ARAP2: variants seen among roughly 807,000 people sequenced by gnomAD.
The protein encoded by ARAP2 is arf-GAP with Rho-GAP domain, ANK repeat and PH domain-containing protein 2.
A neutral mutation model predicts 194.5 loss-of-function variants in ARAP2; 148 were observed. The ratio of observed to expected loss-of-function variants is 0.76; its 90% confidence interval spans 0.67 to 0.87. The LOEUF is 0.87. Ranked by LOEUF, ARAP2 falls within the 40% of genes least tolerant of loss-of-function variation. ARAP2 has a pLI of 0.00. For missense variants in ARAP2, 2,128 were observed against 1,989.7 expected (o/e 1.07, Z -1.32); for synonymous variants, 695 against 683.5 (o/e 1.02, Z -0.26).
In ARAP2 at chr4:36,229,074, T is replaced by G; in HGVS notation, c.413A>C (p.Gln138Pro). The G allele has an allele frequency of 6.2e-7, 1 of 1,614,106 alleles. No individual in the cohort carries two copies. Among genetic ancestry groups the G allele is most frequent in the Non-Finnish European group, 8.5e-7 (1 of 1,179,996 alleles). ...CAGCTTATCATCTGATTGAGGATACTGGCTTCTTTCCACACTTGCATCACT... is the reference window on the plus strand; with the variant it reads ...CAGCTTATCATCTGATTGAGGATACGGGCTTCTTTCCACACTTGCATCACT... ...EDSDASVERS[Q>P]YPQSDDKLSP... Residue 138 changes from glutamine (Q) to proline (P), a missense_variant, in exon 2 of 33, where the codon CAG becomes CCG. By Grantham distance (76) the Gln-to-Pro change is moderately conservative (BLOSUM62 -1). Coordinates refer to ENST00000303965, the MANE Select transcript of ARAP2 (RefSeq NM_015230.4).
Position 36,158,629 on chromosome 4 carries a change from T to C in ARAP2, c.2752+101A>G, listed in dbSNP as rs1365755116. ...CCTCAAAAATATCTCTACTTGGAGA[T>C]CAAATCTAACATCTCAAAAAAATCA... On this transcript the variant is annotated intron_variant, in intron 15 of 32. Coordinates refer to ENST00000303965, the MANE Select transcript of ARAP2 (RefSeq NM_015230.4). 9.8e-6 allele frequency: 10 copies of C among 1,020,978 alleles called. No homozygotes were observed. In the Admixed American group the frequency reaches 3.0e-4, roughly 31 times the overall value. The allele number at this position is 1,020,978 out of a possible 1,614,324, so 63.2% of individuals were successfully genotyped here.
At chr4:36,059,905 C>T (rs1724134424) in intron 1 of ARAP2, among the ~76,000 whole-genome samples, 1 of 151,968 alleles carries the variant, frequency 6.6e-6, no homozygotes, top group Non-Finnish European at 1.5e-5. Flanking sequence ...TAATGGGAAA[C>T]AAAAGGCTGA....
intron 19 of ARAP2, among the ~76,000 whole-genome samples, chr4:36,135,483 T>G (rs2109628197): frequency 6.6e-6 from 1 of 151,890 alleles, no homozygotes; most frequent in South Asian, 2.1e-4. Context: ...TTTTGACGTC[T>G]TTATCTATTG....
intron 27 of ARAP2, among the ~76,000 whole-genome samples, chr4:36,095,094 T>C (rs1171144313): frequency 6.6e-6 from 1 of 152,196 alleles, no homozygotes; most frequent in Non-Finnish European, 1.5e-5. Flanking sequence ...TGAGATATTC[T>C]TTCCTTCCCA....
intron 16 of ARAP2, among the ~76,000 whole-genome samples, chr4:36,149,083 C>A (rs1466893305): frequency 6.6e-6 from 1 of 152,174 alleles, no homozygotes; most frequent in Non-Finnish European, 1.5e-5. Context: ...CTGAGTTCCT[C>A]ATTCACAACT....
At chr4:36,011,091 AG>A (rs1486567774) in intron 9 of ARAP2, among the ~76,000 whole-genome samples, 6 of 152,156 alleles carry the variant, frequency 3.9e-5, no homozygotes, top group Non-Finnish European at 8.8e-5. Context: ...GCAATGTCCA[AG>A]AAAGAGTGGC....
intron 28 of ARAP2, 28 bp from the exon 29 acceptor site, chr4:36,083,478 T>G (rs1262045072): frequency 1.4e-6 from 2 of 1,433,306 alleles, no homozygotes; most frequent in Non-Finnish European, 1.9e-6. Flanking sequence ...AATTTGTAAT[T>G]AAATGGATTT....
chr4:36,205,136 TTATAC>T (rs1337320893), intron 6 of ARAP2, among the ~76,000 whole-genome samples: 1 of 151,878 alleles, frequency 6.6e-6, no homozygotes, highest in African/African-American at 2.4e-5. Context: ...GCCTTTATAG[TTATAC>T]TATAAAACAA....
At position 36,042,835 on chromosome 4, in the gene ARAP2, G is replaced by A. The variant is rs549357159; in HGVS notation, n.607+3144C>T. Among the ~76,000 whole-genome samples the A allele has an allele frequency of 7.8e-5, 6 of 76,824 alleles. No individual in the cohort carries two copies. In the South Asian group the frequency reaches 1.7e-3, roughly 21 times the overall value. 50.4% of individuals were successfully genotyped at this position (76,824 alleles called of 152,430 possible). A position where few individuals can be genotyped will look rare whatever the true frequency, so the allele number is the denominator to read the frequency against. The stretch of plus-strand genomic sequence containing the variant: ...ATCAATAAATCCAATAAACAAATGC[G>A]TTTTTTTCTTCTTTTTTTTTTTTTT... On this transcript the variant is annotated intron_variant and non_coding_transcript_variant, in intron 5 of 12. Coordinates refer to the ARAP2 transcript ENST00000503225.
chr4:36,147,395 A>G, intron 18 of ARAP2, 36 bp from the exon 19 acceptor site: 1 of 1,605,692 alleles, frequency 6.2e-7, no homozygotes, highest in East Asian at 2.2e-5. Flanking sequence ...TTTATTTTTT[A>G]AAACACTGTA....
intron 1 of ARAP2, among the ~76,000 whole-genome samples, chr4:36,232,031 A>G (rs780792779): frequency 1.2e-4 from 19 of 152,216 alleles, no homozygotes; most frequent in African/African-American, 3.4e-4. Flanking sequence ...CCTCTATGTA[A>G]GGACACAGGG....
At chr4:36,208,542 T>C (rs1462518656) in intron 6 of ARAP2, among the ~76,000 whole-genome samples, 1 of 152,206 alleles carries the variant, frequency 6.6e-6, no homozygotes, top group Non-Finnish European at 1.5e-5. Flanking sequence ...CACGCAGCCA[T>C]GAGTTAAACG....
At chr4:36,014,305 G>GAGAAGAGAAGA (rs879307458) in intron 8 of ARAP2, among the ~76,000 whole-genome samples, 2 of 93,142 alleles carry the variant, frequency 2.1e-5, no homozygotes, top group African/African-American at 1.1e-4. Context: ...AAGAAGAGAA[G>GAGAAGAGAAGA]GAAGGAAAGA....
Position 36,212,507 on chromosome 4 carries a change from AC to A in ARAP2, c.1042-21del, listed in dbSNP as rs779848883. ...TCGCTTCTATTAAAAAAGCAAACAA[AC>A]AAAAAACACATACTGTTTTGCTTTT... is the stretch of plus-strand genomic sequence containing the variant. On this transcript the variant is annotated intron_variant, in intron 4 of 32. Coordinates refer to ENST00000303965, the MANE Select transcript of ARAP2 (RefSeq NM_015230.4). 8 of 1,564,818 alleles carry A rather than the reference AC, an allele frequency of 5.1e-6. No homozygotes were observed. The East Asian group carries it at 1.6e-4, about 31-fold the overall frequency.
At position 36,066,126 on chromosome 4, in the gene ARAP2, G is replaced by C. The variant is rs565886026; in HGVS notation, c.*1781C>G. The C allele has an allele frequency of 6.6e-6, 1 of 152,142 alleles. No homozygotes were observed. The highest frequency in any genetic ancestry group is 1.5e-5 in the Non-Finnish European group (1 of 68,034). The allele number at this position is 152,142 out of a possible 1,614,324, so 9.4% of individuals were successfully genotyped here. On this transcript the variant is annotated 3_prime_UTR_variant, in exon 33 of 33. Coordinates refer to ENST00000303965, the MANE Select transcript of ARAP2 (RefSeq NM_015230.4). ...AATAGAAAGGGAAACAGCTATTAGA[G>C]TTTAAGCTCAAGTTTCAAGAAGAAT...
At chr4:36,167,071 A>C in intron 9 of ARAP2, 24 bp from the exon 10 acceptor site, 3 of 1,286,178 alleles carry the variant, frequency 2.3e-6, no homozygotes, top group East Asian at 4.9e-5. Flanking sequence ...AAACATAAAA[A>C]ACTATAAAGA....
At chr4:36,091,839 T>C in intron 28 of ARAP2, 42 bp downstream of exon 28, 2 of 1,544,070 alleles carry the variant, frequency 1.3e-6, no homozygotes, top group Non-Finnish European at 1.8e-6. Flanking sequence ...CAAATGTTAA[T>C]ACCCACACAA....
At chr4:36,015,829 G>A (rs770785837) in intron 7 of ARAP2, 4 of 152,268 alleles carry the variant, frequency 2.6e-5, no homozygotes, top group Non-Finnish European at 5.9e-5. Flanking sequence ...AAGAATATGT[G>A]AAAATATTTA....
chr4:36,068,925 C>A (rs1005068131), intron 32 of ARAP2, among the ~76,000 whole-genome samples: 1 of 152,176 alleles, frequency 6.6e-6, no homozygotes, highest in African/African-American at 2.4e-5. Context: ...ATTCAACATA[C>A]CACTTCGAAG....
Sources: allele counts gnomAD v4.1 joint callset (sites outside exome capture counted in the v4.1 genomes callset), GRCh38; gene constraint gnomAD v4.1.1; transcripts MANE v1.5; gene names NCBI Gene and HGNC (gene_info 2026-07-23, HGNC 2026-07-21).